Variants in PRKCD observed in about 807,000 individuals in gnomAD.
PRKCD encodes protein kinase C delta type.
Under a neutral mutation model 82.2 loss-of-function variants are expected in PRKCD, and 20 were observed. The ratio of observed to expected loss-of-function variants is 0.24; its 90% confidence interval spans 0.17 to 0.35. The LOEUF is 0.35. PRKCD is among the 10% of genes least tolerant of loss of function. PRKCD has a pLI of 1.00. For missense variants in PRKCD, 607 were observed against 899.0 expected (o/e 0.68, Z 4.15); for synonymous variants, 317 against 337.0 (o/e 0.94, Z 0.65).
rs782808010 is a variant in PRKCD, at chr3:53,179,685, G to A, written c.224G>A (p.Arg75Gln). Reference sequence around the variant, plus strand: ...CGCGTCATCCAGATTGTGCTAATGCGGGCAGCAGAGGAGCCAGTGTCTGAG... The same window carrying A: ...CGCGTCATCCAGATTGTGCTAATGCAGGCAGCAGAGGAGCCAGTGTCTGAG... ...EGRVIQIVLM[R>Q]AAEEPVSEVT... Residue 75 changes from arginine to glutamine, a missense_variant, in exon 4 of 19, where the codon CGG becomes CAG. Transcript: ENST00000330452. 6 of 1,611,518 alleles carry A rather than the reference G, an allele frequency of 3.7e-6. No homozygotes were observed. The highest frequency in any genetic ancestry group is 5.1e-6 in the Non-Finnish European group (6 of 1,178,664).
intron 10 of PRKCD, among the ~76,000 whole-genome samples, 158 bp from the exon 11 acceptor site, chr3:53,185,446 C>T (rs782447503): frequency 1.3e-5 from 2 of 152,178 alleles, no homozygotes; most frequent in South Asian, 2.1e-4. Context: ...TGGAAGAGTG[C>T]GTGTGTGTAC....
rs1055815150 is a variant in PRKCD, at chr3:53,189,752, C to A, written c.1744-121C>A. 12 of 1,423,042 alleles carry A rather than the reference C, an allele frequency of 8.4e-6. No individual in the cohort carries two copies. In the African/African-American group the frequency reaches 1.7e-4, roughly 20 times the overall value. 88.2% of individuals were successfully genotyped at this position (1,423,042 alleles called of 1,614,324 possible). A position where few individuals can be genotyped will look rare whatever the true frequency, so the allele number is the denominator to read the frequency against. ...AGTGGCCTCCCTCAGCCCCACCGTT[C>A]CCCAGGCTGACTGGGGCTGGGGCAA... On this transcript the variant is annotated intron_variant, in intron 17 of 18. Coordinates refer to ENST00000330452, the MANE Select transcript of PRKCD (RefSeq NM_006254.4).
rs1702936936 is a variant in PRKCD at position 53,169,231 on chromosome 3, T to C, written c.-20+4016T>C. Among the ~76,000 whole-genome samples the C allele has an allele frequency of 6.6e-6, 1 of 152,040 alleles. No homozygotes were observed. Among genetic ancestry groups the C allele is most frequent in the Non-Finnish European group, 1.5e-5 (1 of 67,994 alleles). ...TGGTGTGGGCAGGCTTGAGCTCTTC[T>C]GGAGTCATTCATGTGGTGAAGCCAG... On this transcript the variant is annotated intron_variant, in intron 2 of 18. Transcript: ENST00000330452. The surrounding 1 kb of genome is among the most constrained non-coding windows in gnomAD (Gnocchi z 4.7).
intron 2 of PRKCD, among the ~76,000 whole-genome samples, chr3:53,177,627 C>T (rs2107250180): frequency 6.6e-6 from 1 of 152,324 alleles, no homozygotes; most frequent in South Asian, 2.1e-4. Flanking sequence ...AGAGGCAGTA[C>T]TGTCCTGTCC....
At chr3:53,178,605 GC>G in intron 3 of PRKCD, 68 bp downstream of exon 3, 1 of 1,362,842 alleles carries the variant, frequency 7.3e-7, no homozygotes, top group South Asian at 1.3e-5. Flanking sequence ...ACTGGAGGGG[GC>G]CTGGCCTTGT....
intron 1 of PRKCD, among the ~76,000 whole-genome samples, chr3:53,163,645 T>C (rs1702745278): frequency 6.6e-6 from 1 of 152,146 alleles, no homozygotes; most frequent in South Asian, 2.1e-4. Flanking sequence ...TCTTGGCCCA[T>C]AGTGAGAACA....
At chr3:53,186,098 G>T (rs2107277133) in intron 12 of PRKCD, 69 bp from the exon 13 acceptor site, 2 of 1,608,818 alleles carry the variant, frequency 1.2e-6, no homozygotes, top group Non-Finnish European at 1.7e-6. Flanking sequence ...GGCTGAGGTG[G>T]GAGTCTGTGA....
intron 1 of PRKCD, among the ~76,000 whole-genome samples, chr3:53,162,950 G>C (rs1257569375): frequency 6.6e-6 from 1 of 152,130 alleles, no homozygotes; most frequent in East Asian, 1.9e-4. Flanking sequence ...TCTGTGACCA[G>C]GCCCACCTGG....
rs1702901485 is a variant in PRKCD, at chr3:53,168,365, C to T, written c.-20+3150C>T. Among the ~76,000 whole-genome samples the T allele has an allele frequency of 2.0e-5, 3 of 151,962 alleles. No homozygotes were observed. The South Asian group carries it at 6.2e-4, about 32-fold the overall frequency. ...AGCATTGGCCTTCACTGTGTGGGGC[C>T]CAGAGGCTGGGGATGAGGAGTGTTG... is the stretch of plus-strand genomic sequence containing the variant. On this transcript the variant is annotated intron_variant, in intron 2 of 18. Transcript: ENST00000330452.
chr3:53,191,973 G>C (rs1053306977), intron 18 of PRKCD, 135 bp from the exon 19 acceptor site: 2 of 848,422 alleles, frequency 2.4e-6, no homozygotes, highest in Non-Finnish European at 3.6e-6. Flanking sequence ...CTTTCAGGCT[G>C]CTAGGGGAGG....
Position 53,185,934 on chromosome 3 carries a change from T to G in PRKCD, c.993T>G (p.Ser331Arg). The G allele has an allele frequency of 6.2e-7, 1 of 1,614,114 alleles. No individual in the cohort carries two copies. The highest frequency in any genetic ancestry group is 1.3e-5 in the African/African-American group (1 of 75,010). ...GTGCCATCTCTCGGGCAGACAACAG[T>G]GGGACCTACGGCAAGATCTGGGAGG... Reference protein sequence around the residue: ...GVAGEDMQDNSGTYGKIWEGS... With the variant: ...GVAGEDMQDNRGTYGKIWEGS... The change falls in exon 12 of 19, where the codon AGT becomes AGG. Residue 331 changes from serine to arginine, a missense_variant. This residue lies in a region of PRKCD where 85 missense variants were observed against 76.1 expected (regional missense o/e 1.12). Transcript: ENST00000330452.
chr3:53,163,687 C>T (rs1213800185), intron 1 of PRKCD, among the ~76,000 whole-genome samples: 1 of 152,088 alleles, frequency 6.6e-6, no homozygotes, highest in African/African-American at 2.4e-5. Flanking sequence ...TTGTCACCAC[C>T]CCCAGCTATA....
chr3:53,162,323 C>G, intron 1 of PRKCD, among the ~76,000 whole-genome samples: 1 of 152,002 alleles, frequency 6.6e-6, no homozygotes, highest in East Asian at 1.9e-4. Context: ...AGAGCACCAT[C>G]GGAACTGCTC....
rs56208295 is a variant in PRKCD at position 53,181,484 on chromosome 3, C to T, written c.417C>T (p.Phe139=). The change falls in exon 6 of 19, where the codon TTC becomes TTT. Residue 139 remains phenylalanine (F), a synonymous_variant. Coordinates refer to ENST00000330452, the MANE Select transcript of PRKCD (RefSeq NM_006254.4). Reference sequence around the variant, plus strand: ...TGCGCAGTGAGGACGAGGCCAAGTTCCCAACGATGAACCGCCGCGGAGCCA... The same window carrying T: ...TGCGCAGTGAGGACGAGGCCAAGTTTCCAACGATGAACCGCCGCGGAGCCA... ...QSMRSEDEAK[F]PTMNRRGAIK... is the part of the protein sequence containing the mutation. 1.2e-5 allele frequency: 19 copies of T among 1,614,214 alleles called. No individual in the cohort carries two copies. In the East Asian group the frequency reaches 1.6e-4, roughly 13 times the overall value.
At chr3:53,165,685 A>G (rs1381030049) in intron 2 of PRKCD, among the ~76,000 whole-genome samples, 2 of 152,192 alleles carry the variant, frequency 1.3e-5, no homozygotes, top group Non-Finnish European at 2.9e-5. Flanking sequence ...CTCCAGCTCC[A>G]GGTACAGCTG....
At position 53,183,438 on chromosome 3, in the gene PRKCD, A is replaced by G. The variant is rs1559626662; in HGVS notation, c.658-14A>G. 1.2e-6 allele frequency: 2 copies of G among 1,613,634 alleles called. No homozygotes were observed. The highest frequency in any genetic ancestry group is 1.1e-5 in the South Asian group (1 of 91,034). On this transcript the variant is annotated splice_polypyrimidine_tract_variant and intron_variant, in intron 8 of 18. Transcript: ENST00000330452. ...TGGCACGTGACCCTCAGCCTGTGAT[A>G]CCCCCACCTCCAGTTCCAGAAAGAA...
At position 53,189,881 on chromosome 3, in the gene PRKCD, A is replaced by G. The variant is rs782104099; in HGVS notation, c.1752A>G (p.Glu584=). ...TCCCTGCTGGGTTGCAGCTCTTTGA[A>G]AGGGAACCAACCAAGAGGCTGGGAG... ...ESKDILEKLF[E]REPTKRLGVT... The change falls in exon 18 of 19, where the codon GAA becomes GAG. Residue 584 remains glutamate, a synonymous_variant. Transcript: ENST00000330452. 2 of 1,614,050 alleles carry G rather than the reference A, an allele frequency of 1.2e-6. No homozygotes were observed. The highest frequency in any genetic ancestry group is 2.7e-5 in the African/African-American group (2 of 74,922).
At chr3:53,178,650 C>T in intron 3 of PRKCD, 113 bp downstream of exon 3, 4 of 854,666 alleles carry the variant, frequency 4.7e-6, no homozygotes, top group Non-Finnish European at 7.0e-6. Flanking sequence ...TGCTCTTCCT[C>T]ATCCTTGACT....
In PRKCD at chr3:53,184,809, C is replaced by T. The variant is rs550006777; in HGVS notation, c.788-65C>T. 9.1e-6 allele frequency: 13 copies of T among 1,431,436 alleles called. No homozygotes were observed. In the African/African-American group the frequency reaches 1.4e-4, roughly 15 times the overall value. 88.7% of individuals were successfully genotyped at this position (1,431,436 alleles called of 1,614,324 possible). The stretch of plus-strand genomic sequence containing the variant: ...CTTTCTCTTGCTCTCCTGCGCCTCT[C>T]CTACACTGCCCCCTGCCCTTGGCTG... On this transcript the variant is annotated intron_variant, in intron 9 of 18. Transcript: ENST00000330452.
Sources: allele counts gnomAD v4.1 joint callset (sites outside exome capture counted in the v4.1 genomes callset), GRCh38; gene constraint gnomAD v4.1.1; regional missense constraint gnomAD v4.1.1; non-coding constraint Gnocchi (gnomAD v3.1); transcripts MANE v1.5; gene names NCBI Gene and HGNC (gene_info 2026-07-23, HGNC 2026-07-21).